Variants in ANXA13 observed in about 807,000 individuals in gnomAD.
ANXA13 encodes the protein annexin XIII.
In ANXA13, 36 loss-of-function variants were observed where a neutral mutation model predicts 46.6. The ratio of observed to expected loss-of-function variants is 0.77; its 90% CI spans 0.59 to 1.02. The LOEUF (loss-of-function observed/expected upper bound fraction) is 1.02. Among genes scored for constraint, ANXA13 ranks in the 50% least tolerant of loss-of-function variants. The pLI is 0.00. For synonymous variants in ANXA13, 163 were observed against 152.9 expected (o/e 1.07, Z -0.49); for missense variants, 417 against 396.5 (o/e 1.05, Z -0.44).
chr8:123,693,371 C>A lies in ANXA13; in HGVS notation c.541-73G>T, dbSNP rs16898743. 4,756 of 1,321,374 alleles carry A rather than the reference C, an allele frequency of 3.6e-3. 106 individuals are homozygous for A. The African/African-American group carries it at 0.056, about 16-fold the overall frequency. The allele number at this position is 1,321,374 out of a possible 1,614,324, so 81.9% of individuals were successfully genotyped here. On this transcript the variant is annotated intron_variant, in intron 7 of 10. Transcript: ENST00000419625. ...CTGATTATGCAGTGCTGTGACTAGG[C>A]CTCACTGACAGGAAATTATAAACTA...
At chr8:123,681,815 G>A (rs1402303771) in intron 10 of ANXA13, among the ~76,000 whole-genome samples, 1 of 151,812 alleles carries the variant, frequency 6.6e-6, no homozygotes, top group Non-Finnish European at 1.5e-5. Context: ...AGTAGAGACG[G>A]GGGTTTCATC....
rs980974129 is a variant in ANXA13, at chr8:123,690,533, G to A, written c.643-1587C>T. ...TCCTGGTAGCTGCTGAGGCGTCTCC[G>A]TGGGACACAATCTGAAACAATGGTC... is the stretch of plus-strand genomic sequence containing the variant. On this transcript the variant is annotated intron_variant, in intron 8 of 10. Coordinates refer to ENST00000419625, the MANE Select transcript of ANXA13 (RefSeq NM_004306.4). This position sits in a 1 kb window ranked among gnomAD's most constrained non-coding sequence, Gnocchi z 4.6. Among the ~76,000 whole-genome samples, 8 of 152,196 alleles carry A rather than the reference G, an allele frequency of 5.3e-5. No individual in the cohort carries two copies. The highest frequency in any genetic ancestry group is 1.9e-4 in the African/African-American group (8 of 41,438).
At chr8:123,683,804 C>G (rs1302848035) in intron 10 of ANXA13, among the ~76,000 whole-genome samples, 1 of 152,084 alleles carries the variant, frequency 6.6e-6, no homozygotes, top group Non-Finnish European at 1.5e-5. Flanking sequence ...CCAGGCCGGT[C>G]TCGAACTCCT....
At chr8:123,715,166 C>T (rs1813737701) in intron 1 of ANXA13, among the ~76,000 whole-genome samples, 1 of 152,172 alleles carries the variant, frequency 6.6e-6, no homozygotes. Flanking sequence ...GGGCTTAGTA[C>T]AAAATGAAAG....
intron 2 of ANXA13, chr8:123,712,120 C>T (rs974707072): frequency 6.5e-6 from 1 of 154,954 alleles, no homozygotes; most frequent in Admixed American, 6.3e-5. Flanking sequence ...ATAATTGACT[C>T]ACAGGGGCAG....
intron 2 of ANXA13, among the ~76,000 whole-genome samples, chr8:123,707,263 T>C (rs560918861): frequency 6.6e-6 from 1 of 152,316 alleles, no homozygotes; most frequent in South Asian, 2.1e-4. Flanking sequence ...GTCTCTGAAG[T>C]GGTTTAAGTT....
chr8:123,693,875 T>TTCACC, intron 6 of ANXA13, 96 bp from the exon 7 acceptor site: 9 of 951,856 alleles, frequency 9.5e-6, no homozygotes, highest in Non-Finnish European at 1.5e-5. Flanking sequence ...AAGAGGTGAA[T>TTCACC]TCTTTCTCAG....
chr8:123,729,243 C>T (rs1271722325), intron 1 of ANXA13: 1 of 152,204 alleles, frequency 6.6e-6, no homozygotes, highest in Non-Finnish European at 1.5e-5. Context: ...GGTGCCTGAA[C>T]TATCTATGGC....
At chr8:123,711,072 A>G (rs982072971) in intron 2 of ANXA13, among the ~76,000 whole-genome samples, 2 of 152,070 alleles carry the variant, frequency 1.3e-5, no homozygotes, top group East Asian at 1.9e-4. Flanking sequence ...CTCCCTACTC[A>G]GTGGGGCCCT....
chr8:123,735,658 T>G (rs76640330), intron 1 of ANXA13: 35 of 1,354,582 alleles, frequency 2.6e-5, no homozygotes, highest in African/African-American at 1.5e-5. Flanking sequence ...TGGTGGCTGG[T>G]GGAGGGTCCA....
intron 9 of ANXA13, among the ~76,000 whole-genome samples, chr8:123,685,466 G>T (rs1206288553): frequency 6.6e-6 from 1 of 151,888 alleles, no homozygotes; most frequent in African/African-American, 2.4e-5. Flanking sequence ...AGGCTCATAT[G>T]AATCCATCAT....
intron 1 of ANXA13, among the ~76,000 whole-genome samples, chr8:123,734,674 T>C (rs1042432783): frequency 6.6e-6 from 1 of 151,652 alleles, no homozygotes; most frequent in African/African-American, 2.4e-5. Flanking sequence ...TTGTCAATTA[T>C]CTATGGGCCC....
chr8:123,713,048 G>T (rs937492101), intron 1 of ANXA13, among the ~76,000 whole-genome samples: 4 of 152,216 alleles, frequency 2.6e-5, no homozygotes, highest in African/African-American at 4.8e-5. Context: ...CCCCACCTTT[G>T]TGTGTCTGCC....
intron 3 of ANXA13, among the ~76,000 whole-genome samples, chr8:123,699,053 G>C (rs569514186): frequency 6.6e-6 from 1 of 152,362 alleles, no homozygotes; most frequent in South Asian, 2.1e-4. Flanking sequence ...CAGGAATAAA[G>C]AGGATTGTCA....
chr8:123,717,183 A>T (rs1438838998), intron 1 of ANXA13, among the ~76,000 whole-genome samples: 1 of 152,218 alleles, frequency 6.6e-6, no homozygotes, highest in Non-Finnish European at 1.5e-5. Context: ...GCCTCTTAGC[A>T]GCTGTGTGAA....
At chr8:123,735,737 G>GA (rs1814248114) in intron 1 of ANXA13, 11 of 1,603,888 alleles carry the variant, frequency 6.9e-6, no homozygotes, top group Non-Finnish European at 9.4e-6. Context: ...TGATTTGGGG[G>GA]GAAAATAAAG....
intron 7 of ANXA13, 81 bp downstream of exon 7, chr8:123,693,630 C>A (rs1338830450): frequency 4.8e-6 from 6 of 1,255,614 alleles, no homozygotes; most frequent in Non-Finnish European, 5.7e-6. Flanking sequence ...CTCCTCTTTG[C>A]ATGAAATAAA....
chr8:123,695,853 C>T (rs1232834576), intron 4 of ANXA13, 132 bp from the exon 5 acceptor site: 14 of 756,064 alleles, frequency 1.9e-5, no homozygotes, highest in Non-Finnish European at 3.1e-5. Context: ...GATGGTCATC[C>T]CTATAGGTCC....
At chr8:123,724,578 T>G (rs367755355) in intron 1 of ANXA13, among the ~76,000 whole-genome samples, 2 of 152,216 alleles carry the variant, frequency 1.3e-5, no homozygotes, top group Admixed American at 1.3e-4. Flanking sequence ...AAAGAAATCC[T>G]TGACCTTATC....
Sources: gnomAD v4.1 joint callset for allele counts (sites outside exome capture counted in the v4.1 genomes callset) on GRCh38, gnomAD v4.1.1 for gene constraint, Gnocchi (gnomAD v3.1) non-coding constraint, MANE v1.5 for transcripts, NCBI Gene and HGNC (gene_info 2026-07-23, HGNC 2026-07-21) for gene names.